Variants in PIBF1 observed in about 807,000 individuals in gnomAD.
PIBF1 encodes progesterone immunomodulatory binding factor 1.
A neutral mutation model predicts 112.5 loss-of-function variants in PIBF1; 90 were observed. The observed-to-expected ratio is 0.80, with a 90% CI of 0.67 to 0.95. PIBF1 has a LOEUF of 0.95. Among genes scored for constraint, PIBF1 ranks in the 40% least tolerant of loss-of-function variants. PIBF1 has a pLI of 0.00. For synonymous variants in PIBF1, 301 were observed against 288.6 expected (o/e 1.04, Z -0.44); for missense variants, 915 against 852.3 (o/e 1.07, Z -0.92).
In PIBF1 at chr13:72,965,396, A is replaced by G. The variant is rs945257366; in HGVS notation, c.1956A>G (p.Lys652=). Residue 652 remains lysine (K), a synonymous_variant, in exon 15 of 18, where the codon AAA becomes AAG. Transcript: ENST00000326291. The part of the protein sequence containing the change: ...SLTESIAQLE[K]DVSNLNKEKS... ...CGGAATCTATTGCACAACTTGAGAA[A>G]GATGTCAGGTAAACCATCTACAAAT... The G allele has an allele frequency of 6.2e-7, 1 of 1,607,886 alleles. No homozygotes were observed. The highest frequency in any genetic ancestry group is 1.1e-5 in the South Asian group (1 of 89,446).
rs57599910 is a variant in PIBF1, at chr13:72,790,421, TCACACACACACACACACACACACA to T, written c.253-2006_253-1983del. 3.2e-3 allele frequency among the ~76,000 whole-genome samples: 428 copies of T among 135,640 alleles called. 2 individuals are homozygous for T. Among genetic ancestry groups the T allele is most frequent in the African/African-American group, 0.011 (390 of 34,734 alleles). 89.0% of individuals were successfully genotyped at this position (135,640 alleles called of 152,430 possible). On this transcript the variant is annotated intron_variant, in intron 2 of 17. Coordinates refer to ENST00000326291, the MANE Select transcript of PIBF1 (RefSeq NM_006346.4). ...TCAGTTAGAGTTTAGGAGGAGTCCA[TCACACACACACACACACACACACA>T]CACACACACACACACACACTTATAG...
chr13:72,877,366 G>GT (rs747528637), intron 10 of PIBF1, among the ~76,000 whole-genome samples: 15 of 152,108 alleles, frequency 9.9e-5, no homozygotes, highest in Non-Finnish European at 1.6e-4. Flanking sequence ...TCGTTGTCTG[G>GT]TTTTGGTATT....
chr13:72,868,430 T>C (rs2039015525), intron 10 of PIBF1, among the ~76,000 whole-genome samples: 1 of 152,100 alleles, frequency 6.6e-6, no homozygotes, highest in Admixed American at 6.5e-5. Context: ...CCTGTAAAGG[T>C]ACTCACGTAC....
intron 10 of PIBF1, among the ~76,000 whole-genome samples, chr13:72,880,553 A>G (rs1002423484): frequency 4.6e-5 from 7 of 152,210 alleles, no homozygotes; most frequent in Non-Finnish European, 1.0e-4. Flanking sequence ...TGCTCATTTT[A>G]TAATTATGAA....
At chr13:72,849,015 C>G (rs2038007350) in intron 9 of PIBF1, among the ~76,000 whole-genome samples, 1 of 152,144 alleles carries the variant, frequency 6.6e-6, no homozygotes, top group Admixed American at 6.5e-5. Flanking sequence ...TATTTGAATA[C>G]TCTAGTTATA....
At chr13:72,919,037 CTCTA>C (rs369635853) in intron 13 of PIBF1, among the ~76,000 whole-genome samples, 114 of 152,224 alleles carry the variant, frequency 7.5e-4, no homozygotes, top group African/African-American at 2.6e-3. Context: ...TTTTCACTTT[CTCTA>C]TCTAACTCAG....
At chr13:73,005,919 CTTTTT>C (rs34315714) in intron 17 of PIBF1, among the ~76,000 whole-genome samples, 5 of 132,810 alleles carry the variant, frequency 3.8e-5, no homozygotes, top group African/African-American at 8.3e-5. Context: ...TCTGGTTTCA[CTTTTT>C]TTTTTTTTTT....
In PIBF1 at chr13:72,801,009, A is replaced by T. The variant is rs371242664; in HGVS notation, c.672+2983A>T. Among the ~76,000 whole-genome samples, 19 of 152,184 alleles carry T rather than the reference A, an allele frequency of 1.2e-4. No individual in the cohort carries two copies. The East Asian group carries it at 2.3e-3, about 19-fold the overall frequency. Reference sequence around the variant, plus strand: ...ACAGCTCAGGGAAGAGCTTCTAGGTAGCAAGAACAGCCAATGCAAAGGCAG... The same window carrying T: ...ACAGCTCAGGGAAGAGCTTCTAGGTTGCAAGAACAGCCAATGCAAAGGCAG... On this transcript the variant is annotated intron_variant, in intron 5 of 17. Coordinates refer to ENST00000326291, the MANE Select transcript of PIBF1 (RefSeq NM_006346.4).
intron 16 of PIBF1, among the ~76,000 whole-genome samples, chr13:72,981,175 G>GTGGAGGT (rs2043147708): frequency 6.6e-6 from 1 of 151,642 alleles, no homozygotes; most frequent in African/African-American, 2.4e-5. Flanking sequence ...AACCCAGGAG[G>GTGGAGGT]TGGAGGTTGG....
At chr13:72,909,853 A>G (rs1443884916) in intron 12 of PIBF1, among the ~76,000 whole-genome samples, 1 of 152,016 alleles carries the variant, frequency 6.6e-6, no homozygotes, top group African/African-American at 2.4e-5. Flanking sequence ...ATAATCTTTG[A>G]TCTTTAATTT....
intron 14 of PIBF1, among the ~76,000 whole-genome samples, chr13:72,952,197 G>A (rs9573071): frequency 0.28 from 42,851 of 151,594 alleles, 7,034 homozygotes; most frequent in East Asian, 0.48. Context: ...GGGATTACAG[G>A]CACACACCAC....
chr13:72,893,769 T>C lies in PIBF1; in HGVS notation c.1323-15T>C. ...TGCTTTCTTTAGAGTGTCATAACCATTCTGCTTCTTTCAGGTACAGAGAAC... is the reference window on the plus strand; with the variant it reads ...TGCTTTCTTTAGAGTGTCATAACCACTCTGCTTCTTTCAGGTACAGAGAAC... On this transcript the variant is annotated splice_polypyrimidine_tract_variant and intron_variant, in intron 10 of 17. Transcript: ENST00000326291. 6.5e-7 allele frequency: 1 copy of C among 1,527,988 alleles called. No individual in the cohort carries two copies. Among genetic ancestry groups the C allele is most frequent in the African/African-American group, 1.4e-5 (1 of 71,526 alleles). 94.7% of individuals were successfully genotyped at this position (1,527,988 alleles called of 1,614,324 possible).
intron 14 of PIBF1, among the ~76,000 whole-genome samples, chr13:72,954,033 G>T (rs1169396379): frequency 6.6e-6 from 1 of 152,152 alleles, no homozygotes; most frequent in East Asian, 1.9e-4. Flanking sequence ...CCCCAGTGGG[G>T]ATCAGAGAAC....
intron 17 of PIBF1, among the ~76,000 whole-genome samples, 182 bp from the exon 18 acceptor site, chr13:73,015,687 G>T (rs1012994831): frequency 3.9e-5 from 6 of 152,114 alleles, no homozygotes; most frequent in African/African-American, 1.4e-4. Context: ...TACCTACCAG[G>T]TGGGAGATTA....
chr13:72,782,184 G>T lies in PIBF1; in HGVS notation c.-213G>T, dbSNP rs2034286625. The T allele has an allele frequency of 8.3e-6, 2 of 241,806 alleles. No homozygotes were observed. Among genetic ancestry groups the T allele is most frequent in the Admixed American group, 5.5e-5 (1 of 18,282 alleles). The allele number at this position is 241,806 out of a possible 1,614,324, so 15.0% of individuals were successfully genotyped here. On this transcript the variant is annotated 5_prime_UTR_variant, in exon 1 of 18. Transcript: ENST00000326291. ...AGTGCTGGTTCTGTCCTCCTTGCGG[G>T]TGCGGAGATGGTTGTCTTGGTTACG...
chr13:72,830,712 C>T (rs1430827761), intron 8 of PIBF1, among the ~76,000 whole-genome samples: 4 of 152,104 alleles, frequency 2.6e-5, no homozygotes, highest in South Asian at 2.1e-4. Flanking sequence ...TGATGTTCAT[C>T]AGGGATATTG....
chr13:72,894,057 CAAAAAAAAA>C, intron 11 of PIBF1, 108 bp downstream of exon 11: 2 of 75,728 alleles, frequency 2.6e-5, no homozygotes, highest in African/African-American at 9.8e-5. Context: ...CTATCCTGCA[CAAAAAAAAA>C]AAAAAAAAAA....
intron 9 of PIBF1, among the ~76,000 whole-genome samples, chr13:72,850,300 A>C (rs2038074402): frequency 1.3e-5 from 2 of 152,212 alleles, no homozygotes; most frequent in Non-Finnish European, 2.9e-5. Flanking sequence ...TTCAAGACCC[A>C]ACTTACATGT....
intron 2 of PIBF1, among the ~76,000 whole-genome samples, chr13:72,791,085 C>A (rs529790865): frequency 6.6e-6 from 1 of 151,022 alleles, no homozygotes; most frequent in Non-Finnish European, 1.5e-5. Context: ...GATGGAGTCT[C>A]ACTCTGTCGC....
Sources: allele counts gnomAD v4.1 joint callset (sites outside exome capture counted in the v4.1 genomes callset), GRCh38; gene constraint gnomAD v4.1.1; transcripts MANE v1.5; gene names NCBI Gene and HGNC (gene_info 2026-07-23, HGNC 2026-07-21).